THADA: variants seen among roughly 807,000 people sequenced by gnomAD.
THADA encodes THADA armadillo repeat containing, also known as tRNA (32-2'-O)-methyltransferase regulator THADA.
Under a neutral mutation model 219.8 loss-of-function variants are expected in THADA, and 213 were observed. The observed-to-expected ratio is 0.97, with a 90% CI of 0.87 to 1.09. The LOEUF is 1.09. Among genes scored for constraint, THADA ranks in the 50% least tolerant of loss-of-function variants. The probability of loss-of-function intolerance (pLI) is 0.00; values close to 1 mark genes in which losing one functional copy is unlikely to be tolerated. For synonymous variants in THADA, 1,018 were observed against 828.9 expected, an observed-to-expected ratio of 1.23 and a Z score of -3.92; for missense variants, 2,956 against 2,311.3, an observed-to-expected ratio of 1.28 and a Z score of -5.72.
At position 43,248,164 on chromosome 2, in the gene THADA, TAGAGAGAGAGAGAGAGAGAGAG is replaced by T. The variant is rs70963389; in HGVS notation, c.5297-15304_5297-15283del. ...ATATATATATATATATATATATATATAGAGAGAGAGAGAGAGAGAGAGAGAGAGAGAGAGAGAGAGAGAGAGA... is the reference window on the plus strand; with the variant it reads ...ATATATATATATATATATATATATATAGAGAGAGAGAGAGAGAGAGAGAGA... On this transcript the variant is annotated intron_variant, in intron 36 of 37. Transcript: ENST00000405975. 5.0e-3 allele frequency among the ~76,000 whole-genome samples: 203 copies of T among 40,878 alleles called. 1 individual carries two copies. Among genetic ancestry groups the T allele is most frequent in the Non-Finnish European group, 5.5e-3 (133 of 23,974 alleles). The allele number at this position is 40,878 out of a possible 152,430, so 26.8% of individuals were successfully genotyped here.
At chr2:43,430,723 C>A in intron 26 of THADA, 1 of 448,784 alleles carries the variant, frequency 2.2e-6, no homozygotes, top group Non-Finnish European at 4.5e-6. Flanking sequence ...ACAGTTTGGA[C>A]CAAATAACTC....
intron 29 of THADA, among the ~76,000 whole-genome samples, chr2:43,393,707 T>TAAA (rs34360060): frequency 9.0e-5 from 12 of 132,826 alleles, no homozygotes; most frequent in African/African-American, 3.1e-4. Context: ...GACTCCGTCT[T>TAAA]AAAAAAAAAA....
rs1667372343 is a variant in THADA at position 43,344,185 on chromosome 2, T to C, written c.4280A>G (p.Asp1427Gly). 11 of 1,612,704 alleles carry C rather than the reference T, an allele frequency of 6.8e-6. No homozygotes were observed. Among genetic ancestry groups the C allele is most frequent in the Non-Finnish European group, 9.3e-6 (11 of 1,179,524 alleles). ...GATGTCAGTCAGCTCGTGCTGGAAG[T>C]CTGAATTCGTTCCGTGTTTGGAGTC... ...YSDSKHGTNS[D>G]FQHELTDITV... Residue 1427 changes from aspartate to glycine, a missense_variant, in exon 30 of 38, where the codon GAC (aspartate) becomes GGC (glycine). Transcript: ENST00000405975.
chr2:43,470,203 G>A (rs1424499199), intron 26 of THADA, among the ~76,000 whole-genome samples: 1 of 109,988 alleles, frequency 9.1e-6, no homozygotes, highest in African/African-American at 4.2e-5. Context: ...GTGAGACCTT[G>A]TCTCAAAAAA....
intron 28 of THADA, among the ~76,000 whole-genome samples, chr2:43,409,952 G>C (rs1366708293): frequency 6.6e-6 from 1 of 151,750 alleles, no homozygotes; most frequent in East Asian, 1.9e-4. Context: ...AGGAGGTTGA[G>C]GCTACAGTGA....
chr2:43,263,258 A>C (rs1409563743), intron 36 of THADA, among the ~76,000 whole-genome samples: 1 of 152,158 alleles, frequency 6.6e-6, no homozygotes, highest in Non-Finnish European at 1.5e-5. Context: ...TGATGGTTCC[A>C]GTTCCAAGTG....
At chr2:43,240,280 C>T (rs906736252) in intron 36 of THADA, among the ~76,000 whole-genome samples, 4 of 152,162 alleles carry the variant, frequency 2.6e-5, no homozygotes, top group African/African-American at 7.2e-5. Flanking sequence ...GCAAAGGCAG[C>T]GTCTGACGGA....
chr2:43,478,893 A>C (rs1023695481), intron 26 of THADA, among the ~76,000 whole-genome samples: 3 of 152,188 alleles, frequency 2.0e-5, no homozygotes, highest in African/African-American at 7.2e-5. Flanking sequence ...GAAACTCTCT[A>C]ATAGGCCAAA....
Position 43,577,041 on chromosome 2 carries a change from A to C in THADA, c.1018T>G (p.Leu340Val). ...ACTCACTGTGAACTCAAGGTGAACA[A>C]AACATGTGCAGTATCCAAGAGCAGG... ...EALLLDTAHV[L>V]FTLSSQIKEP... The change falls in exon 10 of 38, where the codon TTG becomes GTG. Residue 340 changes from leucine to valine, a missense_variant. Physicochemically the swap from Leu to Val is conservative, Grantham distance 32 (BLOSUM62 1). Transcript: ENST00000405975. 2 of 1,613,116 alleles carry C rather than the reference A, an allele frequency of 1.2e-6. No homozygotes were observed. The highest frequency in any genetic ancestry group is 2.2e-5 in the South Asian group (2 of 90,734).
intron 35 of THADA, among the ~76,000 whole-genome samples, chr2:43,285,012 C>T (rs1673819128): frequency 6.6e-6 from 1 of 152,180 alleles, no homozygotes; most frequent in South Asian, 2.1e-4. Context: ...GGAGCATTTA[C>T]CCACCACCTG....
intron 6 of THADA, 41 bp downstream of exon 6, chr2:43,586,661 A>T: frequency 6.3e-7 from 1 of 1,588,144 alleles, no homozygotes; most frequent in Non-Finnish European, 8.6e-7. Flanking sequence ...GACTCATACA[A>T]GCCATCAACT....
intron 27 of THADA, among the ~76,000 whole-genome samples, chr2:43,429,241 G>A (rs575336950): frequency 1.3e-5 from 2 of 152,152 alleles, no homozygotes; most frequent in African/African-American, 4.8e-5. Context: ...CCAAGTAGCT[G>A]GGATCACAGG....
intron 31 of THADA, among the ~76,000 whole-genome samples, chr2:43,296,672 A>T (rs908628055): frequency 1.3e-5 from 2 of 152,194 alleles, no homozygotes; most frequent in African/African-American, 4.8e-5. Flanking sequence ...ACCGAATCTC[A>T]TAACAATCTA....
chr2:43,515,064 AT>A lies in THADA; in HGVS notation c.3375-6285del, dbSNP rs1229853819. Among the ~76,000 whole-genome samples the A allele has an allele frequency of 3.1e-3, 156 of 50,956 alleles. 5 individuals carry two copies. The highest frequency in any genetic ancestry group is 0.012 in the African/African-American group (145 of 12,206). 33.4% of individuals were successfully genotyped at this position (50,956 alleles called of 152,430 possible). The stretch of plus-strand genomic sequence containing the variant: ...AATATATATATTTTATATATAATAT[AT>A]TTTATATATAATATATATAAATATA... On this transcript the variant is annotated intron_variant, in intron 22 of 37. Transcript: ENST00000405975.
rs78119776 is a variant in THADA at position 43,556,742 on chromosome 2, T to C, written c.2464-187A>G. 1.4e-3 allele frequency among the ~76,000 whole-genome samples: 213 copies of C among 151,880 alleles called. 3 individuals carry two copies. In the East Asian group the frequency reaches 0.038, roughly 27 times the overall value. The stretch of plus-strand genomic sequence containing the variant: ...GAGCTCAAGATCAGCCAAGACAACA[T>C]AGTGAGACCCCATCTCAAAAAAACA... On this transcript the variant is annotated intron_variant, in intron 16 of 37. Coordinates refer to ENST00000405975, the MANE Select transcript of THADA (RefSeq NM_022065.5).
chr2:43,563,660 T>C (rs1698337625), intron 15 of THADA: 1 of 152,194 alleles, frequency 6.6e-6, no homozygotes, highest in Non-Finnish European at 1.5e-5. Flanking sequence ...AATCTAATTG[T>C]AGATTTTTTT....
intron 36 of THADA, among the ~76,000 whole-genome samples, chr2:43,235,013 T>A (rs1667870624): frequency 6.6e-6 from 1 of 151,270 alleles, no homozygotes; most frequent in Non-Finnish European, 1.5e-5. Context: ...TGAGTCTTGC[T>A]GTATTGCCCA....
In THADA at chr2:43,391,390, C is replaced by T. The variant is rs185477823; in HGVS notation, c.4227+6581G>A. The stretch of plus-strand genomic sequence containing the variant: ...ACCACACAGTGCAGTACAGTCAATG[C>T]TCCAGAACCTGGCAGCTAAAAGCTG... On this transcript the variant is annotated intron_variant, in intron 29 of 37. Coordinates refer to ENST00000405975, the MANE Select transcript of THADA (RefSeq NM_022065.5). Among the ~76,000 whole-genome samples the T allele has an allele frequency of 1.5e-3, 221 of 152,252 alleles. 1 individual carries two copies. Among genetic ancestry groups the T allele is most frequent in the African/African-American group, 5.1e-3 (210 of 41,546 alleles).
At chr2:43,235,506 T>C (rs373074405) in intron 36 of THADA, among the ~76,000 whole-genome samples, 6 of 152,210 alleles carry the variant, frequency 3.9e-5, no homozygotes, top group Admixed American at 3.3e-4. Flanking sequence ...TTAGTCAGGC[T>C]GATCTCGAAC....
Sources: allele counts gnomAD v4.1 joint callset (sites outside exome capture counted in the v4.1 genomes callset), GRCh38; gene constraint gnomAD v4.1.1; transcripts MANE v1.5; gene names NCBI Gene and HGNC (gene_info 2026-07-23, HGNC 2026-07-21).